The following CNTN3 variants were observed in gnomAD, a reference collection of about 807,000 sequenced individuals.
The protein encoded by CNTN3 is contactin 3.
Under a neutral mutation model 119.1 loss-of-function variants are expected in CNTN3, and 60 were observed. The ratio of observed to expected loss-of-function variants is 0.50; its 90% CI spans 0.41 to 0.62. The LOEUF (loss-of-function observed/expected upper bound fraction) is 0.62. Ranked by LOEUF, CNTN3 falls within the 20% of genes least tolerant of loss-of-function variation. CNTN3 has a pLI of 0.00. For missense variants in CNTN3, 1,101 were observed against 1,242.4 expected, an observed-to-expected ratio of 0.89 and a Z score of 1.71; for synonymous variants, 450 against 438.7, an observed-to-expected ratio of 1.03 and a Z score of -0.32.
rs930226349 is a variant in CNTN3, at chr3:74,602,400, T to C, written c.-81+11991A>G. Among the ~76,000 whole-genome samples the C allele has an allele frequency of 2.5e-4, 38 of 151,974 alleles. 3 individuals carry two copies. The highest frequency in any genetic ancestry group is 2.0e-3 in the Admixed American group (30 of 15,230). Reference sequence around the variant, plus strand: ...AGAGATATATAAACATATGTTATTTTAGACTATTGAAATTTGGGGAGGGGG... The same window carrying C: ...AGAGATATATAAACATATGTTATTTCAGACTATTGAAATTTGGGGAGGGGG... On this transcript the variant is annotated intron_variant, in intron 1 of 22. Coordinates refer to ENST00000263665, the MANE Select transcript of CNTN3 (RefSeq NM_020872.3).
At chr3:74,387,271 C>A (rs1166854077) in intron 5 of CNTN3, among the ~76,000 whole-genome samples, 1 of 152,024 alleles carries the variant, frequency 6.6e-6, no homozygotes, top group African/African-American at 2.4e-5. Context: ...CAAGAATAAA[C>A]CTTCATCAAA....
At chr3:74,306,214 C>CAAAAAAAA (rs79818182) in intron 13 of CNTN3, among the ~76,000 whole-genome samples, 1 of 84,204 alleles carries the variant, frequency 1.2e-5, no homozygotes, top group Non-Finnish European at 2.5e-5. Flanking sequence ...GAGAAATGTC[C>CAAAAAAAA]AAAAAAAAAA....
At chr3:74,372,018 A>G (rs1704352798) in intron 5 of CNTN3, among the ~76,000 whole-genome samples, 1 of 152,074 alleles carries the variant, frequency 6.6e-6, no homozygotes, top group Non-Finnish European at 1.5e-5. Context: ...CTTGGTTCCA[A>G]CATCAGGAAT....
intron 1 of CNTN3, among the ~76,000 whole-genome samples, chr3:74,599,733 T>A (rs188696339): frequency 4.0e-4 from 61 of 152,198 alleles, no homozygotes; most frequent in African/African-American, 1.4e-3. Context: ...AATGTTCATA[T>A]TGCATCAGCC....
At chr3:74,425,887 C>T (rs1227325420) in intron 4 of CNTN3, among the ~76,000 whole-genome samples, 1 of 151,976 alleles carries the variant, frequency 6.6e-6, no homozygotes, top group African/African-American at 2.4e-5. Flanking sequence ...ACATAGAATT[C>T]AAAGGATAAC....
intron 13 of CNTN3, among the ~76,000 whole-genome samples, chr3:74,318,923 T>A (rs1702908457): frequency 6.6e-6 from 1 of 152,070 alleles, no homozygotes; most frequent in South Asian, 2.1e-4. Context: ...GTTACTGCTG[T>A]CTTTATATAA....
chr3:74,351,338 C>T (rs56966463), intron 11 of CNTN3, among the ~76,000 whole-genome samples: 4,458 of 152,274 alleles, frequency 0.029, 244 homozygotes, highest in African/African-American at 0.1. Flanking sequence ...GGAAACCAAT[C>T]TCTTTAACTC....
chr3:74,554,592 T>C (rs1187352116), intron 1 of CNTN3, among the ~76,000 whole-genome samples: 2 of 152,218 alleles, frequency 1.3e-5, no homozygotes, highest in Non-Finnish European at 2.9e-5. Flanking sequence ...TCTTATTTCC[T>C]TGAGCAGTGG....
At chr3:74,269,581 A>G (rs1027750710) in intron 20 of CNTN3, among the ~76,000 whole-genome samples, 1 of 152,168 alleles carries the variant, frequency 6.6e-6, no homozygotes, top group Admixed American at 6.5e-5. Context: ...GAGAGTTAAA[A>G]TTTAAAAAGA....
At chr3:74,588,205 T>C (rs994325577) in intron 1 of CNTN3, among the ~76,000 whole-genome samples, 6 of 151,978 alleles carry the variant, frequency 3.9e-5, no homozygotes, top group African/African-American at 1.4e-4. Flanking sequence ...TTGAGGATTT[T>C]TGCATCAATG....
chr3:74,352,891 C>A (rs1349612773), intron 11 of CNTN3, among the ~76,000 whole-genome samples: 1 of 152,140 alleles, frequency 6.6e-6, no homozygotes, highest in South Asian at 2.1e-4. Flanking sequence ...TGAGCTTGCA[C>A]GCCTACCTGA....
intron 4 of CNTN3, among the ~76,000 whole-genome samples, chr3:74,467,036 T>C (rs865894614): frequency 5.3e-5 from 8 of 152,230 alleles, no homozygotes; most frequent in Middle Eastern, 3.4e-3. Context: ...ACTATATCTT[T>C]TGGGATTTTG....
chr3:74,441,613 C>T (rs540576815), intron 4 of CNTN3, among the ~76,000 whole-genome samples: 215 of 152,068 alleles, frequency 1.4e-3, no homozygotes, highest in African/African-American at 4.8e-3. Flanking sequence ...AAAATGTATA[C>T]AAATTAGAAA....
chr3:74,612,847 G>A (rs1705105609), intron 1 of CNTN3, among the ~76,000 whole-genome samples: 1 of 152,160 alleles, frequency 6.6e-6, no homozygotes, highest in Non-Finnish European at 1.5e-5. Flanking sequence ...AACCCGATCA[G>A]ATTTCTTTAA....
intron 4 of CNTN3, among the ~76,000 whole-genome samples, chr3:74,444,637 C>CAAACTGGT (rs932434362): frequency 1.3e-5 from 2 of 152,088 alleles, no homozygotes; most frequent in African/African-American, 4.8e-5. Context: ...TTTCCCTACC[C>CAAACTGGT]AAACTGGTAC....
rs557419724 is a variant in CNTN3, at chr3:74,611,273, C to T, written c.-81+3118G>A. 2.0e-4 allele frequency among the ~76,000 whole-genome samples: 30 copies of T among 152,290 alleles called. 1 individual carries two copies. The South Asian group carries it at 6.0e-3, about 30-fold the overall frequency. On this transcript the variant is annotated intron_variant, in intron 1 of 22. Transcript: ENST00000263665. ...ACAGTAAAGATTCTACAAATATTTA[C>T]ATTCCAAGTAGCAAAGCTGTTTGAA...
At chr3:74,490,513 TA>T (rs559602366) in intron 3 of CNTN3, among the ~76,000 whole-genome samples, 2 of 152,038 alleles carry the variant, frequency 1.3e-5, no homozygotes, top group African/African-American at 2.4e-5. Context: ...ATTTTAAAGA[TA>T]AAAAAATATG....
intron 18 of CNTN3, among the ~76,000 whole-genome samples, chr3:74,295,858 T>A (rs1702327957): frequency 6.6e-6 from 1 of 152,260 alleles, no homozygotes; most frequent in South Asian, 2.1e-4. Context: ...TGAGCAGGAA[T>A]CTCCCCTCCC....
intron 5 of CNTN3, among the ~76,000 whole-genome samples, chr3:74,418,584 G>A (rs567442059): frequency 6.6e-5 from 10 of 151,070 alleles, no homozygotes; most frequent in East Asian, 2.0e-4. Flanking sequence ...CAGGCAACCC[G>A]CCCACCTTGG....
Sources: allele counts gnomAD v4.1 joint callset (sites outside exome capture counted in the v4.1 genomes callset), GRCh38; gene constraint gnomAD v4.1.1; transcripts MANE v1.5; gene names NCBI Gene and HGNC (gene_info 2026-07-23, HGNC 2026-07-21).